PCBP2: variants seen among roughly 807,000 people sequenced by gnomAD.
The protein encoded by PCBP2 is poly(rC) binding protein 2, also known as poly(rC)-binding protein 2.
PCBP2 carries 4 observed loss-of-function variants against 50.1 expected under a neutral mutation model. The observed-to-expected ratio is 0.08, with a 90% CI of 0.04 to 0.18. The LOEUF is 0.18. Among genes scored for constraint, PCBP2 ranks in the 10% least tolerant of loss-of-function variants. The pLI is 1.00. For missense variants in PCBP2, 161 were observed against 474.3 expected (o/e 0.34, Z 6.14); for synonymous variants, 179 against 168.0 (o/e 1.07, Z -0.51).
Position 53,455,384 on chromosome 12 carries a change from A to T in PCBP2, c.93+14A>T. On this transcript the variant is annotated intron_variant, in intron 3 of 14. Coordinates refer to ENST00000546463, the MANE Select transcript of PCBP2 (RefSeq NM_031989.5). ...ATCATCGGAAAGGTAAGACAATTTC[A>T]CTTCAACTTCAATTACCATTTAGTA... 2 of 1,614,064 alleles carry T rather than the reference A, an allele frequency of 1.2e-6. No homozygotes were observed. Among genetic ancestry groups the T allele is most frequent in the Non-Finnish European group, 1.7e-6 (2 of 1,179,918 alleles).
At chr12:53,473,128 G>T (rs968241407) in intron 14 of PCBP2, among the ~76,000 whole-genome samples, 8 of 150,212 alleles carry the variant, frequency 5.3e-5, no homozygotes, top group Admixed American at 4.0e-4. Flanking sequence ...TCTGTCACCA[G>T]GCTGGAGTGC....
In PCBP2 at chr12:53,471,720, A is replaced by G. The variant is rs1942249268; in HGVS notation, c.965A>G (p.Asn322Ser). The G allele has an allele frequency of 1.2e-6, 2 of 1,613,774 alleles. No individual in the cohort carries two copies. Among genetic ancestry groups the G allele is most frequent in the Non-Finnish European group, 1.7e-6 (2 of 1,180,006 alleles). ...TCTGGGGCGCAGATCAAAATTGCGA[A>G]CCCAGTGGAAGGATCTACTGATAGG... ...QMSGAQIKIA[N>S]PVEGSTDRQV... The change falls in exon 14 of 15, where the codon AAC becomes AGC. Residue 322 changes from asparagine (N) to serine (S), a missense_variant. Physicochemically the swap from Asn to Ser is conservative, Grantham distance 46 (BLOSUM62 1). Transcript: ENST00000546463.
intron 13 of PCBP2, 71 bp downstream of exon 13, chr12:53,468,903 A>G: frequency 9.5e-7 from 1 of 1,055,916 alleles, no homozygotes. Flanking sequence ...TCGTTTCAGC[A>G]GTGTCCTGCT....
intron 10 of PCBP2, among the ~76,000 whole-genome samples, chr12:53,466,519 T>C (rs546340463): frequency 1.3e-5 from 2 of 152,334 alleles, no homozygotes; most frequent in East Asian, 3.9e-4. Context: ...TGCCGGTATT[T>C]AGACTTCAAG....
intron 14 of PCBP2, among the ~76,000 whole-genome samples, chr12:53,473,639 GTA>G (rs1942383554): frequency 6.6e-6 from 1 of 152,144 alleles, no homozygotes; most frequent in Non-Finnish European, 1.5e-5. Flanking sequence ...TAGCAATTCG[GTA>G]TCTTAGCCAT....
intron 10 of PCBP2, among the ~76,000 whole-genome samples, chr12:53,466,901 G>A (rs929856024): frequency 2.0e-5 from 3 of 152,072 alleles, no homozygotes; most frequent in Non-Finnish European, 4.4e-5. Flanking sequence ...TGTCCCTGCG[G>A]CAACTGTTGC....
chr12:53,462,593 A>G (rs774519984), intron 8 of PCBP2, 26 bp downstream of exon 8: 1 of 1,562,170 alleles, frequency 6.4e-7, no homozygotes, highest in Non-Finnish European at 8.8e-7. Flanking sequence ...TTTGTGGGCT[A>G]GAATGAACAG....
chr12:53,455,609 T>C lies in PCBP2; in HGVS notation c.126+116T>C, dbSNP rs556893559. ...CAATAAGGGAAATATGTATTTTTTT[T>C]CGGCTTGGTTATTTGTAGTGATAAT... On this transcript the variant is annotated intron_variant, in intron 4 of 14. Coordinates refer to ENST00000546463, the MANE Select transcript of PCBP2 (RefSeq NM_031989.5). 6.8e-4 allele frequency: 767 copies of C among 1,124,622 alleles called. 7 individuals are homozygous for C. In the South Asian group the frequency reaches 8.6e-3, roughly 13 times the overall value. 69.7% of individuals were successfully genotyped at this position (1,124,622 alleles called of 1,614,324 possible). A position where few individuals can be genotyped will look rare whatever the true frequency, so the allele number is the denominator to read the frequency against.
chr12:53,466,753 T>C (rs898845446), intron 10 of PCBP2, among the ~76,000 whole-genome samples: 3 of 152,096 alleles, frequency 2.0e-5, no homozygotes, highest in Non-Finnish European at 4.4e-5. Flanking sequence ...AAACCCAGTA[T>C]GGTTTCTTCA....
At chr12:53,468,417 T>A in intron 12 of PCBP2, 1 of 275,728 alleles carries the variant, frequency 3.6e-6, no homozygotes, top group Non-Finnish European at 6.9e-6. Context: ...TCAGGTGAGA[T>A]ACAATTTGGA....
At position 53,455,610 on chromosome 12, in the gene PCBP2, C is replaced by T. The variant is rs374317537; in HGVS notation, c.126+117C>T. 102 of 1,112,140 alleles carry T rather than the reference C, an allele frequency of 9.2e-5. 1 individual carries two copies. Among genetic ancestry groups the T allele is most frequent in the South Asian group, 3.5e-4 (26 of 73,456 alleles). 68.9% of individuals were successfully genotyped at this position (1,112,140 alleles called of 1,614,324 possible). On this transcript the variant is annotated intron_variant, in intron 4 of 14. Transcript: ENST00000546463. Reference sequence around the variant, plus strand: ...AATAAGGGAAATATGTATTTTTTTTCGGCTTGGTTATTTGTAGTGATAATC... The same window carrying T: ...AATAAGGGAAATATGTATTTTTTTTTGGCTTGGTTATTTGTAGTGATAATC...
intron 9 of PCBP2, among the ~76,000 whole-genome samples, chr12:53,465,335 A>T (rs766334818): frequency 6.6e-6 from 1 of 151,864 alleles, no homozygotes; most frequent in African/African-American, 2.4e-5. Flanking sequence ...GCAAATGCCT[A>T]TGGAGGGGAG....
intron 14 of PCBP2, among the ~76,000 whole-genome samples, chr12:53,473,283 C>T (rs1942359781): frequency 6.6e-6 from 1 of 151,814 alleles, no homozygotes; most frequent in Non-Finnish European, 1.5e-5. Flanking sequence ...CGGGGTTTCA[C>T]CATGTTGGCA....
chr12:53,460,877 A>G, intron 6 of PCBP2, 138 bp from the exon 7 acceptor site: 4 of 851,774 alleles, frequency 4.7e-6, no homozygotes, highest in Non-Finnish European at 7.3e-6. Flanking sequence ...ATAAGGGAAG[A>G]GTGGGACAAA....
chr12:53,469,953 T>G (rs976985434), intron 13 of PCBP2, among the ~76,000 whole-genome samples: 1 of 151,628 alleles, frequency 6.6e-6, no homozygotes, highest in Admixed American at 6.6e-5. Flanking sequence ...TCCATGTTGG[T>G]CAGGCTGGTC....
At chr12:53,464,646 C>T in intron 8 of PCBP2, 114 bp from the exon 9 acceptor site, 1 of 1,420,452 alleles carries the variant, frequency 7.0e-7, no homozygotes. Flanking sequence ...TGTCTGAGCT[C>T]CTTTTTAAAG....
At chr12:53,460,036 C>T in intron 6 of PCBP2, 1 of 265,970 alleles carries the variant, frequency 3.8e-6, no homozygotes, top group South Asian at 3.1e-5. Flanking sequence ...TTACTACAGG[C>T]TTGAGCCAGC....
chr12:53,467,284 G>A lies in PCBP2; in HGVS notation c.778G>A (p.Gly260Arg). The A allele has an allele frequency of 6.2e-7, 1 of 1,612,820 alleles. No homozygotes were observed. Among genetic ancestry groups the A allele is most frequent in the Non-Finnish European group, 8.5e-7 (1 of 1,178,834 alleles). The change falls in exon 11 of 15, where the codon GGA (glycine) becomes AGA (arginine). Residue 260 changes from glycine (G) to arginine (R), a missense_variant. Gly to Arg is a moderately radical substitution (Grantham distance 125). This residue lies in a region of PCBP2 where 51 missense variants were observed against 193.0 expected (regional missense o/e 0.26). Transcript: ENST00000546463. ...TTTTCCCATGACGCATGGCAACACC[G>A]GATTCAGTGGTATGGATACCTCAGT... ...SHFPMTHGNT[G>R]FSGIESSSPE...
chr12:53,459,947 T>C (rs577084214), intron 6 of PCBP2: 1 of 441,556 alleles, frequency 2.3e-6, no homozygotes, highest in African/African-American at 2.0e-5. Context: ...TTTGTAAAAA[T>C]GGTGTTTTGC....
Sources: allele counts gnomAD v4.1 joint callset (sites outside exome capture counted in the v4.1 genomes callset), GRCh38; gene constraint gnomAD v4.1.1; regional missense constraint gnomAD v4.1.1; transcripts MANE v1.5; gene names NCBI Gene and HGNC (gene_info 2026-07-23, HGNC 2026-07-21).